The following ZNF438 variants were observed in gnomAD, a reference collection of about 807,000 sequenced individuals.
ZNF438 encodes zinc finger protein 438.
In ZNF438, 25 loss-of-function variants were observed where a neutral mutation model predicts 38.0. That is an observed-to-expected ratio of 0.66 (90% confidence interval 0.48 to 0.92). The LOEUF is 0.92. Among genes scored for constraint, ZNF438 ranks in the 40% least tolerant of loss-of-function variants. ZNF438 has a pLI of 0.00. For missense variants in ZNF438, 1,007 were observed against 999.6 expected, an observed-to-expected ratio of 1.01 and a Z score of -0.10; for synonymous variants, 372 against 364.1, an observed-to-expected ratio of 1.02 and a Z score of -0.25.
intron 1 of ZNF438, among the ~76,000 whole-genome samples, chr10:30,989,575 A>C (rs2053245922): frequency 6.6e-6 from 1 of 152,162 alleles, no homozygotes; most frequent in Non-Finnish European, 1.5e-5. Flanking sequence ...AGATGCTCTA[A>C]ATGGTTGCTG....
chr10:30,886,868 C>T (rs2040015627), intron 3 of ZNF438, among the ~76,000 whole-genome samples: 1 of 152,092 alleles, frequency 6.6e-6, no homozygotes, highest in Admixed American at 6.5e-5. Flanking sequence ...AAAATGCACC[C>T]CACTTTAAGA....
In ZNF438 at chr10:30,930,803, CAAAAAAAAAAAAAAAAA is replaced by C. The variant is rs71527620; in HGVS notation, c.-115+10755_-115+10771del. Among the ~76,000 whole-genome samples the C allele has an allele frequency of 5.5e-4, 21 of 38,440 alleles. 1 individual carries two copies. In the South Asian group the frequency reaches 7.9e-3, roughly 15 times the overall value. 25.2% of individuals were successfully genotyped at this position (38,440 alleles called of 152,430 possible). ...GCCTGGCGACAGAGAGAAACTCAGT[CAAAAAAAAAAAAAAAAA>C]AAAAAAAAAAAAAAGCAAATGGTTC... On this transcript the variant is annotated intron_variant, in intron 2 of 5. Coordinates refer to ENST00000413025, the Ensembl canonical transcript of ZNF438.
rs1216533849 is a variant in ZNF438, at chr10:30,920,572, C to T, written c.-114-11557G>A. ...AAAATTGATACAGCTTCGCCATCCT[C>T]ATTTTACTTGGCAGTTTGATCTCCC... On this transcript the variant is annotated intron_variant, in intron 2 of 5. Coordinates refer to ENST00000413025, the Ensembl canonical transcript of ZNF438. The T allele has an allele frequency of 2.6e-5, 4 of 152,306 alleles. No homozygotes were observed. The East Asian group carries it at 7.7e-4, about 29-fold the overall frequency. The allele number at this position is 152,306 out of a possible 1,614,324, so 9.4% of individuals were successfully genotyped here.
intron 3 of ZNF438, among the ~76,000 whole-genome samples, chr10:30,891,903 C>G (rs908084537): frequency 6.6e-6 from 1 of 152,152 alleles, no homozygotes; most frequent in African/African-American, 2.4e-5. Context: ...ACAGAATGTT[C>G]AGAAGGCATT....
chr10:30,900,857 A>T (rs1168537024), intron 3 of ZNF438, among the ~76,000 whole-genome samples: 1 of 152,260 alleles, frequency 6.6e-6, no homozygotes, highest in African/African-American at 2.4e-5. Flanking sequence ...ACTTGATTCA[A>T]ATAGATGCAA....
intron 1 of ZNF438, among the ~76,000 whole-genome samples, chr10:31,023,808 A>T (rs2056767065): frequency 6.6e-6 from 1 of 152,220 alleles, no homozygotes; most frequent in Non-Finnish European, 1.5e-5. Flanking sequence ...TGCTCCTCAA[A>T]GCCGGTCAGT....
intron 4 of ZNF438, among the ~76,000 whole-genome samples, chr10:30,874,841 T>C (rs2038166391): frequency 1.3e-5 from 2 of 151,124 alleles, no homozygotes; most frequent in African/African-American, 4.8e-5. Context: ...CTCTATAATT[T>C]ATATAAATAT....
intron 1 of ZNF438, among the ~76,000 whole-genome samples, chr10:31,000,433 G>A (rs1369591359): frequency 6.6e-6 from 1 of 152,180 alleles, no homozygotes; most frequent in Non-Finnish European, 1.5e-5. Context: ...ATTAAAATCT[G>A]AGAAACACTG....
rs866688005 is a variant in ZNF438, at chr10:30,878,206, T to C, written c.-31-1141A>G. 7.2e-5 allele frequency among the ~76,000 whole-genome samples: 11 copies of C among 152,302 alleles called. No individual in the cohort carries two copies. The South Asian group carries it at 1.5e-3, about 20-fold the overall frequency. ...CTCCTGATTGGTTCTTTCTGAATAA[T>C]GTCTTTTTACCAATCGAATGTTGCC... On this transcript the variant is annotated intron_variant, in intron 3 of 5. Coordinates refer to ENST00000413025, the Ensembl canonical transcript of ZNF438.
At chr10:30,940,355 A>G (rs893844027) in intron 2 of ZNF438, among the ~76,000 whole-genome samples, 2 of 152,218 alleles carry the variant, frequency 1.3e-5, no homozygotes, top group Admixed American at 1.3e-4. Flanking sequence ...CAAACAAAAC[A>G]TTAGATGACA....
intron 1 of ZNF438, among the ~76,000 whole-genome samples, chr10:30,967,614 A>G (rs1247811083): frequency 2.0e-5 from 3 of 152,248 alleles, no homozygotes; most frequent in African/African-American, 7.2e-5. Context: ...TATGGCTGCT[A>G]AATTTTAATT....
intron 1 of ZNF438, among the ~76,000 whole-genome samples, chr10:30,973,977 T>C (rs2051036566): frequency 6.6e-6 from 1 of 152,194 alleles, no homozygotes; most frequent in Non-Finnish European, 1.5e-5. Flanking sequence ...AACACAACTT[T>C]AGTGCTAGCA....
At chr10:30,889,720 T>G (rs1289848126) in intron 3 of ZNF438, among the ~76,000 whole-genome samples, 1 of 152,186 alleles carries the variant, frequency 6.6e-6, no homozygotes, top group African/African-American at 2.4e-5. Flanking sequence ...CACATATTTC[T>G]GAATGTCAGT....
intron 3 of ZNF438, among the ~76,000 whole-genome samples, chr10:30,908,410 G>C (rs2042782306): frequency 6.6e-6 from 1 of 152,182 alleles, no homozygotes; most frequent in Admixed American, 6.5e-5. Context: ...TCTGGGAATG[G>C]AGCTCAAGCT....
intron 2 of ZNF438, among the ~76,000 whole-genome samples, chr10:30,932,380 T>A (rs1200652117): frequency 6.6e-6 from 1 of 152,228 alleles, no homozygotes; most frequent in Non-Finnish European, 1.5e-5. Flanking sequence ...TACATATGAA[T>A]AAGAGCTAAT....
Position 30,946,599 on chromosome 10 carries a change from T to G in ZNF438, c.-191-4948A>C, listed in dbSNP as rs369630043. Among the ~76,000 whole-genome samples, 5 of 152,360 alleles carry G rather than the reference T, an allele frequency of 3.3e-5. No individual in the cohort carries two copies. The East Asian group carries it at 9.6e-4, about 29-fold the overall frequency. ...GCCAAAAAACACATGACTCTTTTACTTTTAACCACTTTGTATATATTTGAA... is the reference window on the plus strand; with the variant it reads ...GCCAAAAAACACATGACTCTTTTACGTTTAACCACTTTGTATATATTTGAA... On this transcript the variant is annotated intron_variant, in intron 1 of 5. Transcript: ENST00000413025.
intron 4 of ZNF438, among the ~76,000 whole-genome samples, chr10:30,860,152 T>C (rs2035334115): frequency 6.6e-6 from 1 of 152,222 alleles, no homozygotes; most frequent in South Asian, 2.1e-4. Context: ...ACCTACTTGT[T>C]TGATTGTAGG....
intron 1 of ZNF438, among the ~76,000 whole-genome samples, chr10:31,016,464 G>A (rs150155612): frequency 4.3e-4 from 65 of 152,260 alleles, no homozygotes; most frequent in African/African-American, 1.5e-3. Flanking sequence ...GACCAATATA[G>A]TGGCTCAGAT....
intron 1 of ZNF438, among the ~76,000 whole-genome samples, chr10:31,028,724 T>C (rs772962192): frequency 4.6e-5 from 7 of 152,236 alleles, no homozygotes; most frequent in Non-Finnish European, 8.8e-5. Flanking sequence ...TATTCATCTC[T>C]GAACTTCCAA....
Sources: allele counts gnomAD v4.1 joint callset (sites outside exome capture counted in the v4.1 genomes callset), GRCh38; gene constraint gnomAD v4.1.1; transcripts MANE v1.5; gene names NCBI Gene and HGNC (gene_info 2026-07-23, HGNC 2026-07-21).